The following NBAS variants were observed in gnomAD, a reference collection of about 807,000 sequenced individuals.
The protein encoded by NBAS is NBAS subunit of NRZ tethering complex, also known as NAG/BC035112 fusion.
Under a neutral mutation model 302.5 loss-of-function variants are expected in NBAS, and 219 were observed. The observed-to-expected ratio is 0.72, with a 90% CI of 0.65 to 0.81. NBAS has a LOEUF of 0.81. Among genes scored for constraint, NBAS ranks in the 30% least tolerant of loss-of-function variants. NBAS has a pLI of 0.00. For missense variants in NBAS, 2,932 were observed against 2,841.6 expected, an observed-to-expected ratio of 1.03 and a Z score of -0.72; for synonymous variants, 1,118 against 1,021.6, an observed-to-expected ratio of 1.09 and a Z score of -1.80.
intron 12 of NBAS, among the ~76,000 whole-genome samples, chr2:15,488,271 C>A (rs1367345999): frequency 1.3e-5 from 2 of 152,190 alleles, no homozygotes; most frequent in Non-Finnish European, 2.9e-5. Context: ...TTTCTTTAAA[C>A]CTTTACTCTA....
At chr2:15,365,491 C>G (rs1359986676) in intron 32 of NBAS, among the ~76,000 whole-genome samples, 3 of 152,166 alleles carry the variant, frequency 2.0e-5, no homozygotes, top group African/African-American at 2.4e-5. Context: ...GAAAATGGAA[C>G]TAAAGTAATT....
At chr2:15,066,671 G>A in the NBAS span, among the ~76,000 whole-genome samples, 106 of 152,212 alleles carry the variant, frequency 7.0e-4, no homozygotes, top group African/African-American at 2.4e-3. Context: ...CATCTATTAC[G>A]ATGGCTATTA....
At chr2:14,780,169 G>A in the NBAS span, among the ~76,000 whole-genome samples, 5 of 152,170 alleles carry the variant, frequency 3.3e-5, no homozygotes, top group African/African-American at 1.2e-4. Context: ...CAGTAAAATG[G>A]GGATAATAGT....
chr2:15,052,518 C>T, the NBAS span, among the ~76,000 whole-genome samples: 1 of 152,190 alleles, frequency 6.6e-6, no homozygotes, highest in African/African-American at 2.4e-5. Flanking sequence ...CCCTTCCCCA[C>T]CCTATAAAAG....
In NBAS at chr2:15,232,516, G is replaced by C; in HGVS notation, c.6147-5C>G. ...CCAAGGTCAGCACTGCCACCACTGTGAAAAGAGAGATAAACTGATTCAGAA... is the reference window on the plus strand; with the variant it reads ...CCAAGGTCAGCACTGCCACCACTGTCAAAAGAGAGATAAACTGATTCAGAA... On this transcript the variant is annotated splice_polypyrimidine_tract_variant and splice_region_variant and intron_variant, in intron 46 of 51. Coordinates refer to ENST00000281513, the MANE Select transcript of NBAS (RefSeq NM_015909.4). 1 of 1,612,010 alleles carries C rather than the reference G, an allele frequency of 6.2e-7. No homozygotes were observed. The highest frequency in any genetic ancestry group is 1.3e-5 in the African/African-American group (1 of 75,004).
intron 50 of NBAS, among the ~76,000 whole-genome samples, chr2:15,184,739 G>A (rs548619236): frequency 6.6e-6 from 1 of 152,210 alleles, no homozygotes; most frequent in East Asian, 1.9e-4. Flanking sequence ...GTTTGGGGAA[G>A]CCTGATACAC....
intron 42 of NBAS, among the ~76,000 whole-genome samples, chr2:15,285,717 A>C (rs1176922073): frequency 2.0e-5 from 3 of 152,044 alleles, no homozygotes; most frequent in Admixed American, 1.3e-4. Context: ...CAATGGCGCG[A>C]TCTCTGCTCA....
At chr2:15,560,959 G>T (rs1211291480) in intron 1 of NBAS, among the ~76,000 whole-genome samples, 1 of 152,110 alleles carries the variant, frequency 6.6e-6, no homozygotes, top group African/African-American at 2.4e-5. Flanking sequence ...CGAAGTTCCA[G>T]CCCCCAACAA....
At chr2:14,908,293 G>T in the NBAS span, among the ~76,000 whole-genome samples, 1 of 152,208 alleles carries the variant, frequency 6.6e-6, no homozygotes, top group Non-Finnish European at 1.5e-5. Flanking sequence ...AACCCGGGAG[G>T]CGGAGCTTGC....
chr2:14,981,161 T>C, the NBAS span, among the ~76,000 whole-genome samples: 12 of 152,104 alleles, frequency 7.9e-5, no homozygotes, highest in South Asian at 2.5e-3. Context: ...GCCCACCAAG[T>C]GACCCAGCAC....
chr2:15,167,161 G>A lies in NBAS; in HGVS notation c.7003C>T (p.Arg2335Trp), dbSNP rs372119905. Residue 2335 changes from arginine to tryptophan, a missense_variant, in exon 52 of 52, where the codon CGG becomes TGG. By Grantham distance (101) the Arg-to-Trp change is moderately radical (BLOSUM62 -3). Coordinates refer to ENST00000281513, the MANE Select transcript of NBAS (RefSeq NM_015909.4). Reference sequence around the variant, plus strand: ...GCTTCGGCTTCATGGCCGGCCTCCCGCAGGTGTCTGCCCAGCTCCTCTGCA... The same window carrying A: ...GCTTCGGCTTCATGGCCGGCCTCCCACAGGTGTCTGCCCAGCTCCTCTGCA... ...WDAEELGRHL[R>W]EAGHEAEAGS... 7.1e-5 allele frequency: 115 copies of A among 1,614,094 alleles called. No individual in the cohort carries two copies. The highest frequency in any genetic ancestry group is 8.9e-5 in the Non-Finnish European group (105 of 1,180,046).
At chr2:15,262,718 A>G (rs1218460247) in intron 44 of NBAS, among the ~76,000 whole-genome samples, 1 of 152,154 alleles carries the variant, frequency 6.6e-6, no homozygotes, top group African/African-American at 2.4e-5. Context: ...GTCTATGTTC[A>G]TTTAAAATTG....
chr2:14,842,346 G>A, the NBAS span, among the ~76,000 whole-genome samples: 18 of 151,798 alleles, frequency 1.2e-4, no homozygotes, highest in Admixed American at 7.2e-4. Context: ...AAACAAAATT[G>A]AGACTAAAAA....
chr2:14,867,314 G>A, the NBAS span, among the ~76,000 whole-genome samples: 2 of 152,220 alleles, frequency 1.3e-5, no homozygotes, highest in South Asian at 4.1e-4. Flanking sequence ...GAGGGTTGAG[G>A]GGTAGTAGAT....
chr2:14,980,055 G>C, the NBAS span, among the ~76,000 whole-genome samples: 1 of 152,318 alleles, frequency 6.6e-6, no homozygotes, highest in Non-Finnish European at 1.5e-5. Context: ...AAAATGTAAA[G>C]ACACAAAGCA....
rs145895822 is a variant in NBAS, at chr2:15,308,120, T to C, written c.4797+96A>G. ...ACTTGGAATACATTCTGGATACATA[T>C]GTAATCAGTTCCTCCAAAAATTAAA... On this transcript the variant is annotated intron_variant, in intron 40 of 51. Coordinates refer to ENST00000281513, the MANE Select transcript of NBAS (RefSeq NM_015909.4). 3.8e-5 allele frequency: 59 copies of C among 1,561,474 alleles called. No homozygotes were observed. The East Asian group carries it at 7.0e-4, about 18-fold the overall frequency.
At chr2:15,437,538 C>G (rs1309735904) in intron 21 of NBAS, among the ~76,000 whole-genome samples, 1 of 152,040 alleles carries the variant, frequency 6.6e-6, no homozygotes, top group Non-Finnish European at 1.5e-5. Flanking sequence ...GATGTCAGTT[C>G]GACAGAATGT....
At chr2:15,005,486 T>C in the NBAS span, among the ~76,000 whole-genome samples, 1 of 152,230 alleles carries the variant, frequency 6.6e-6, no homozygotes, top group African/African-American at 2.4e-5. Context: ...TGGGCATTAT[T>C]TCAAAGGTTA....
the NBAS span, among the ~76,000 whole-genome samples, chr2:15,027,019 A>G: frequency 6.6e-6 from 1 of 152,120 alleles, no homozygotes; most frequent in Admixed American, 6.5e-5. Context: ...TTAGGGTATA[A>G]TAATACCTGG....
Sources: gnomAD v4.1 joint callset for allele counts (sites outside exome capture counted in the v4.1 genomes callset) on GRCh38, gnomAD v4.1.1 for gene constraint, MANE v1.5 for transcripts, NCBI Gene and HGNC (gene_info 2026-07-23, HGNC 2026-07-21) for gene names.